ATG9A: variants seen among roughly 807,000 people sequenced by gnomAD.
ATG9A encodes autophagy related 9A.
Under a neutral mutation model 87.1 loss-of-function variants are expected in ATG9A, and 21 were observed. The ratio of observed to expected loss-of-function variants is 0.24; its 90% CI spans 0.17 to 0.35. ATG9A has a LOEUF of 0.35. Among genes scored for constraint, ATG9A ranks in the 10% least tolerant of loss-of-function variants. ATG9A has a pLI of 1.00. For synonymous variants in ATG9A, 422 were observed against 441.3 expected, an observed-to-expected ratio of 0.96 and a Z score of 0.55; for missense variants, 836 against 1,107.3, an observed-to-expected ratio of 0.76 and a Z score of 3.48.
chr2:219,222,237 G>A lies in ATG9A; in HGVS notation c.2027+35C>T, dbSNP rs1559243619. On this transcript the variant is annotated intron_variant, in intron 12 of 15. Transcript: ENST00000361242. The surrounding 1 kb of genome is among the most constrained non-coding windows in gnomAD (Gnocchi z 4.3). ...AGACCCACACAAGCTGCTGAGGGCT[G>A]CCGTGCCCTCCCATCTTGGCCCCGA... 6.2e-7 allele frequency: 1 copy of A among 1,613,292 alleles called. No individual in the cohort carries two copies. Among genetic ancestry groups the A allele is most frequent in the Non-Finnish European group, 8.5e-7 (1 of 1,179,760 alleles).
rs1394436425 is a variant in ATG9A, at chr2:219,219,818, G to C, written c.*629C>G. ...CCTTCTTTTTTAGTGTCAAAATATA[G>C]CGTTGAGGGGAGCTGGACGCTAGGG... On this transcript the variant is annotated 3_prime_UTR_variant, in exon 16 of 16. Transcript: ENST00000361242. 1 of 152,354 alleles carries C rather than the reference G, an allele frequency of 6.6e-6. No individual in the cohort carries two copies. The highest frequency in any genetic ancestry group is 1.5e-5 in the Non-Finnish European group (1 of 68,126). 9.4% of individuals were successfully genotyped at this position (152,354 alleles called of 1,614,324 possible).
chr2:219,224,667 G>A lies in ATG9A; in HGVS notation c.704C>T (p.Pro235Leu). The change falls in exon 8 of 16, where the codon CCT becomes CTT. Residue 235 changes from proline (P) to leucine (L), a missense_variant. Pro to Leu is a moderately conservative substitution (Grantham distance 98). Coordinates refer to ENST00000361242, the MANE Select transcript of ATG9A (RefSeq NM_001077198.3). This position sits in a 1 kb window ranked among gnomAD's most constrained non-coding sequence, Gnocchi z 7.7. Reference sequence around the variant, plus strand: ...GAAGAAGACAGCTTCCCCGAGGCCAGGCAGGCGGAAGCGCAGAGGCAGGAG... The same window carrying A: ...GAAGAAGACAGCTTCCCCGAGGCCAAGCAGGCGGAAGCGCAGAGGCAGGAG... Reference protein sequence around the residue: ...KSLLPLRFRLPGLGEAVFFTR... With the variant: ...KSLLPLRFRLLGLGEAVFFTR... 1 of 1,614,230 alleles carries A rather than the reference G, an allele frequency of 6.2e-7. No individual in the cohort carries two copies. Among genetic ancestry groups the A allele is most frequent in the Non-Finnish European group, 8.5e-7 (1 of 1,180,050 alleles).
intron 2 of ATG9A, among the ~76,000 whole-genome samples, 180 bp downstream of exon 2, chr2:219,228,254 C>T (rs569693930): frequency 3.3e-5 from 5 of 152,208 alleles, no homozygotes; most frequent in Non-Finnish European, 5.9e-5. Flanking sequence ...GTCTGGGTGT[C>T]TACTGCTGCT....
rs779422262 is a variant in ATG9A at position 219,225,151 on chromosome 2, G to A, written c.436C>T (p.Arg146Trp). 14 of 1,614,046 alleles carry A rather than the reference G, an allele frequency of 8.7e-6. No homozygotes were observed. Among genetic ancestry groups the A allele is most frequent in the Middle Eastern group, 1.6e-4 (1 of 6,082 alleles). ...LVIAGVFWIHRLIKFIYNICC... is the reference protein window; with the variant it reads ...LVIAGVFWIHWLIKFIYNICC... Reference sequence around the variant, plus strand: ...ATGTTATAGATGAACTTGATAAGCCGGTGGATCCAGAAGACACCAGCAATG... The same window carrying A: ...ATGTTATAGATGAACTTGATAAGCCAGTGGATCCAGAAGACACCAGCAATG... The change falls in exon 7 of 16, where the codon CGG becomes TGG. Residue 146 changes from arginine to tryptophan, a missense_variant. Transcript: ENST00000361242.
chr2:219,220,557 T>C (rs1950730689), intron 15 of ATG9A, 105 bp from the exon 16 acceptor site: 21 of 1,552,762 alleles, frequency 1.4e-5, no homozygotes, highest in Non-Finnish European at 1.8e-5. Flanking sequence ...GGTTGATTCC[T>C]GGGGAGGTAA....
chr2:219,221,429 A>G (rs1950756940), intron 13 of ATG9A, 127 bp from the exon 14 acceptor site: 1 of 825,186 alleles, frequency 1.2e-6, no homozygotes, highest in East Asian at 2.7e-5. Flanking sequence ...CAGAGCACCT[A>G]TTATGTTAAT....
Position 219,223,597 on chromosome 2 carries a change from A to G in ATG9A, c.1587T>C (p.His529=), listed in dbSNP as rs1313648203. The change falls in exon 10 of 16, where the codon CAT becomes CAC. Residue 529 remains histidine (H), a synonymous_variant. Transcript: ENST00000361242. The surrounding 1 kb of genome is among the most constrained non-coding windows in gnomAD (Gnocchi z 4.7). The part of the protein sequence containing the change: ...CSFAQMDVRQ[H]GHPQWLSAGQ... ...CCTCTCCCAGTACCTGGGGATGACC[A>G]TGCTGGCGAACATCCATCTGAGCAA... The G allele has an allele frequency of 1.2e-6, 2 of 1,606,432 alleles. No homozygotes were observed. Among genetic ancestry groups the G allele is most frequent in the Admixed American group, 1.7e-5 (1 of 59,386 alleles).
At position 219,227,830 on chromosome 2, in the gene ATG9A, G is replaced by C. The variant is rs1273023795; in HGVS notation, c.104-17C>G. ...GCCAAGGTGCTGTGGGATAGGAACA[G>C]AGATGTCAGAGCCCTGGGAGAACAC... On this transcript the variant is annotated splice_polypyrimidine_tract_variant and intron_variant, in intron 3 of 15. Coordinates refer to ENST00000361242, the MANE Select transcript of ATG9A (RefSeq NM_001077198.3). 1 of 1,613,834 alleles carries C rather than the reference G, an allele frequency of 6.2e-7. No homozygotes were observed. The highest frequency in any genetic ancestry group is 8.5e-7 in the Non-Finnish European group (1 of 1,179,844).
In ATG9A at chr2:219,229,564, A is replaced by G. The variant is rs1950964225; in HGVS notation, c.-111T>C. 6.6e-6 allele frequency: 1 copy of G among 152,568 alleles called. No homozygotes were observed. Among genetic ancestry groups the G allele is most frequent in the African/African-American group, 2.4e-5 (1 of 41,388 alleles). The allele number at this position is 152,568 out of a possible 1,614,324, so 9.5% of individuals were successfully genotyped here. ...GGAACAGCGACCCGGGTGATTCCAG[A>G]GGCTCCGCCGGCTCCGCTCGGCTCG... On this transcript the variant is annotated 5_prime_UTR_variant, in exon 1 of 16. Coordinates refer to ENST00000361242, the MANE Select transcript of ATG9A (RefSeq NM_001077198.3). This position sits in a 1 kb window ranked among gnomAD's most constrained non-coding sequence, Gnocchi z 4.2.
intron 5 of ATG9A, among the ~76,000 whole-genome samples, chr2:219,226,310 G>A (rs1056278530): frequency 2.6e-5 from 4 of 152,108 alleles, no homozygotes; most frequent in African/African-American, 9.7e-5. Context: ...TAAAGTGCTG[G>A]GATTACAGGT....
In ATG9A at chr2:219,222,948, C is replaced by T. The variant is rs544233709; in HGVS notation, c.1600-55G>A. The T allele has an allele frequency of 5.6e-6, 9 of 1,601,172 alleles. No individual in the cohort carries two copies. The African/African-American group carries it at 9.4e-5, about 17-fold the overall frequency. On this transcript the variant is annotated intron_variant, in intron 10 of 15. Transcript: ENST00000361242. This position sits in a 1 kb window ranked among gnomAD's most constrained non-coding sequence, Gnocchi z 4.3. ...CTGTTCTCTTCCAGGAGCCTTCCTG[C>T]ACCTTTCCTGTTAGTGGGGAGGCCT...
At position 219,228,425 on chromosome 2, in the gene ATG9A, T is replaced by A. The variant is rs1950914858; in HGVS notation, c.-30+9A>T. ...CAAACAAATGTTTGAGAAAAGCACA[T>A]GGCCCTACCAGCTCCATGGACAGTA... is the stretch of plus-strand genomic sequence containing the variant. On this transcript the variant is annotated intron_variant, in intron 2 of 15. Transcript: ENST00000361242. 5.5e-6 allele frequency: 1 copy of A among 183,426 alleles called. No homozygotes were observed. Among genetic ancestry groups the A allele is most frequent in the Admixed American group, 5.8e-5 (1 of 17,168 alleles). 11.4% of individuals were successfully genotyped at this position (183,426 alleles called of 1,614,324 possible). A position where few individuals can be genotyped will look rare whatever the true frequency, so the allele number is the denominator to read the frequency against.
chr2:219,223,647 C>A lies in ATG9A; in HGVS notation c.1537G>T (p.Val513Phe). 6.2e-7 allele frequency: 1 copy of A among 1,613,872 alleles called. No homozygotes were observed. Among genetic ancestry groups the A allele is most frequent in the Non-Finnish European group, 8.5e-7 (1 of 1,179,968 alleles). The change falls in exon 10 of 16, where the codon GTT becomes TTT. Residue 513 changes from valine to phenylalanine, a missense_variant. Val to Phe is a conservative substitution (Grantham distance 50). Coordinates refer to ENST00000361242, the MANE Select transcript of ATG9A (RefSeq NM_001077198.3). This position sits in a 1 kb window ranked among gnomAD's most constrained non-coding sequence, Gnocchi z 4.7. Reference sequence around the variant, plus strand: ...AAGGAGCAGGTATCTCCCACACCAACGACCTCCACGGTGAAGTTTCGGAAG... The same window carrying A: ...AAGGAGCAGGTATCTCCCACACCAAAGACCTCCACGGTGAAGTTTCGGAAG... ...DFFRNFTVEV[V>F]GVGDTCSFAQ... is the part of the protein sequence containing the mutation.
rs1251543661 is a variant in ATG9A at position 219,219,424 on chromosome 2, G to T, written c.*1023C>A. On this transcript the variant is annotated 3_prime_UTR_variant, in exon 16 of 16. Transcript: ENST00000361242. Reference sequence around the variant, plus strand: ...TATTAAGGGTTATCAAGCTGTACACGGTCCCTACCCTGCTCCGCTCCGAGT... The same window carrying T: ...TATTAAGGGTTATCAAGCTGTACACTGTCCCTACCCTGCTCCGCTCCGAGT... The T allele has an allele frequency of 6.6e-6, 1 of 152,648 alleles. No individual in the cohort carries two copies. Among genetic ancestry groups the T allele is most frequent in the Non-Finnish European group, 1.5e-5 (1 of 68,080 alleles). The allele number at this position is 152,648 out of a possible 1,614,324, so 9.5% of individuals were successfully genotyped here.
rs1470349068 is a variant in ATG9A at position 219,222,181 on chromosome 2, C to A, written c.2028-14G>T. 6.2e-7 allele frequency: 1 copy of A among 1,613,300 alleles called. No individual in the cohort carries two copies. The highest frequency in any genetic ancestry group is 1.1e-5 in the South Asian group (1 of 90,994). ...CTGGCATCCACCCTGTCTCTCCCAA[C>A]AGAGACAGACAGCAGCTGTGAACTT... On this transcript the variant is annotated splice_polypyrimidine_tract_variant and intron_variant, in intron 12 of 15. Transcript: ENST00000361242. This position sits in a 1 kb window ranked among gnomAD's most constrained non-coding sequence, Gnocchi z 4.3.
At chr2:219,226,834 C>T (rs1950870941) in intron 5 of ATG9A, 35 bp downstream of exon 5, 2 of 1,576,328 alleles carry the variant, frequency 1.3e-6, no homozygotes, top group Admixed American at 1.7e-5. Flanking sequence ...AAGATGTATT[C>T]TTTCACCACA....
rs769958085 is a variant in ATG9A, at chr2:219,224,036, G to A, written c.1266-14C>T. 1.9e-6 allele frequency: 3 copies of A among 1,606,998 alleles called. No homozygotes were observed. Among genetic ancestry groups the A allele is most frequent in the African/African-American group, 1.3e-5 (1 of 74,864 alleles). On this transcript the variant is annotated splice_polypyrimidine_tract_variant and intron_variant, in intron 8 of 15. Coordinates refer to ENST00000361242, the MANE Select transcript of ATG9A (RefSeq NM_001077198.3). The surrounding 1 kb of genome is among the most constrained non-coding windows in gnomAD (Gnocchi z 7.7). ...GGGATAAAGGACCTAGTGGGATCAGGATCATGGTGAGATGTATGCCTTTCC... is the reference window on the plus strand; with the variant it reads ...GGGATAAAGGACCTAGTGGGATCAGAATCATGGTGAGATGTATGCCTTTCC...
rs775852350 is a variant in ATG9A, at chr2:219,222,318, C to T, written c.1981G>A (p.Gly661Arg). Residue 661 changes from glycine (G) to arginine (R), a missense_variant, in exon 12 of 16, where the codon GGG (glycine) becomes AGG (arginine). Physicochemically the swap from Gly to Arg is moderately radical, Grantham distance 125. This residue lies in a region of ATG9A where 324 missense variants were observed against 347.6 expected (regional missense o/e 0.93). Transcript: ENST00000361242. The surrounding 1 kb of genome is among the most constrained non-coding windows in gnomAD (Gnocchi z 4.3). ...ALRSFSPLQP[G>R]QAPTGRAHST... ...TGAGCCCGGCCTGTGGGCGCCTGCC[C>T]GGGTTGCAGCGGGGAGAAGGAGCGC... The T allele has an allele frequency of 9.3e-6, 15 of 1,613,238 alleles. No individual in the cohort carries two copies. The highest frequency in any genetic ancestry group is 1.3e-5 in the African/African-American group (1 of 74,944).
chr2:219,221,084 G>A lies in ATG9A; in HGVS notation c.2364C>T (p.Ile788=). The stretch of plus-strand genomic sequence containing the variant: ...TCCTATACCCCCACTGGATACCTGT[G>A]ATGCCACCGTAGCGCCTCTGGAAGC... ...HGGFQRRYGG[I]TDPGTVPRVP... The change falls in exon 14 of 16, where the codon ATC becomes ATT. Residue 788 remains isoleucine, a synonymous_variant. Coordinates refer to ENST00000361242, the MANE Select transcript of ATG9A (RefSeq NM_001077198.3). 1.2e-6 allele frequency: 2 copies of A among 1,612,900 alleles called. No homozygotes were observed. Among genetic ancestry groups the A allele is most frequent in the East Asian group, 2.2e-5 (1 of 44,836 alleles).
Sources: gnomAD v4.1 joint callset for allele counts (sites outside exome capture counted in the v4.1 genomes callset) on GRCh38, gnomAD v4.1.1 for gene constraint, gnomAD v4.1.1 regional missense constraint, Gnocchi (gnomAD v3.1) non-coding constraint, MANE v1.5 for transcripts, NCBI Gene and HGNC (gene_info 2026-07-23, HGNC 2026-07-21) for gene names.